The following PRKAR2B variants were observed in gnomAD, a reference collection of about 807,000 sequenced individuals.
The protein encoded by PRKAR2B is protein kinase cAMP-dependent type II regulatory subunit beta, also known as cAMP-dependent protein kinase type II-beta regulatory subunit.
Under a neutral mutation model 49.9 loss-of-function variants are expected in PRKAR2B, and 14 were observed. That is an observed-to-expected ratio of 0.28 (90% CI 0.19 to 0.44). PRKAR2B has a LOEUF of 0.44. Among genes scored for constraint, PRKAR2B ranks in the 20% least tolerant of loss-of-function variants. The pLI is 1.00. For missense variants in PRKAR2B, 393 were observed against 537.9 expected, an observed-to-expected ratio of 0.73 and a Z score of 2.67; for synonymous variants, 196 against 197.7, an observed-to-expected ratio of 0.99 and a Z score of 0.07.
chr7:107,100,029 G>A lies in PRKAR2B; in HGVS notation c.344-21923G>A, dbSNP rs113412859. 1.3e-3 allele frequency among the ~76,000 whole-genome samples: 197 copies of A among 152,106 alleles called. 1 individual carries two copies. Among genetic ancestry groups the A allele is most frequent in the African/African-American group, 4.5e-3 (188 of 41,490 alleles). ...TATATAGTCTAGATATTAATCCCTT[G>A]TCAGATACATGGTTTATAAATATTT... is the stretch of plus-strand genomic sequence containing the variant. On this transcript the variant is annotated intron_variant, in intron 2 of 10. Coordinates refer to ENST00000265717, the MANE Select transcript of PRKAR2B (RefSeq NM_002736.3).
intron 2 of PRKAR2B, among the ~76,000 whole-genome samples, chr7:107,071,440 C>T (rs1347910787): frequency 2.6e-5 from 4 of 152,080 alleles, no homozygotes; most frequent in South Asian, 4.2e-4. Context: ...AATCTCAAGG[C>T]GTGTTTATTT....
At chr7:107,051,011 A>T (rs1348944821) in intron 1 of PRKAR2B, among the ~76,000 whole-genome samples, 1 of 152,214 alleles carries the variant, frequency 6.6e-6, no homozygotes, top group African/African-American at 2.4e-5. Context: ...TTAAGACACC[A>T]TCCTTTTGTC....
chr7:107,077,792 G>C (rs1313570001), intron 2 of PRKAR2B: 9 of 152,290 alleles, frequency 5.9e-5, no homozygotes, highest in Admixed American at 5.9e-4. Flanking sequence ...AAGTGTCTCT[G>C]TGTGTGTGTA....
At chr7:107,139,369 T>G (rs762243951) in intron 4 of PRKAR2B, among the ~76,000 whole-genome samples, 1 of 152,228 alleles carries the variant, frequency 6.6e-6, no homozygotes, top group Non-Finnish European at 1.5e-5. Flanking sequence ...GTATCTGTTC[T>G]AGTTCTAATT....
chr7:107,053,312 AAATTTTG>A (rs1438533582), intron 1 of PRKAR2B, among the ~76,000 whole-genome samples: 2 of 152,210 alleles, frequency 1.3e-5, no homozygotes, highest in Non-Finnish European at 2.9e-5. Context: ...CCTACAATAT[AAATTTTG>A]AAAGGAGAAA....
chr7:107,128,039 G>T (rs1220180320), intron 3 of PRKAR2B, among the ~76,000 whole-genome samples, 173 bp from the exon 4 acceptor site: 2 of 152,202 alleles, frequency 1.3e-5, no homozygotes, highest in East Asian at 3.8e-4. Context: ...TACTTGGTAG[G>T]CTCATAAGTT....
intron 2 of PRKAR2B, among the ~76,000 whole-genome samples, chr7:107,094,684 A>G (rs1794801258): frequency 6.6e-6 from 1 of 152,176 alleles, no homozygotes; most frequent in Admixed American, 6.5e-5. Context: ...TAATTTTTGT[A>G]TAAGGTGTAA....
At chr7:107,053,668 G>A (rs762182670) in intron 1 of PRKAR2B, among the ~76,000 whole-genome samples, 2 of 151,878 alleles carry the variant, frequency 1.3e-5, no homozygotes, top group African/African-American at 2.4e-5. Context: ...GTAAAACTAC[G>A]TTACCTGAAG....
intron 1 of PRKAR2B, among the ~76,000 whole-genome samples, chr7:107,046,409 G>A (rs956735781): frequency 5.3e-5 from 8 of 152,188 alleles, no homozygotes; most frequent in Admixed American, 6.5e-5. Context: ...CTAGGAAGAT[G>A]TTTCTTTTCT....
At chr7:107,147,105 C>T (rs192351724) in intron 6 of PRKAR2B, among the ~76,000 whole-genome samples, 3 of 152,070 alleles carry the variant, frequency 2.0e-5, no homozygotes, top group South Asian at 2.1e-4. Flanking sequence ...TACCTAGCCA[C>T]GAGGTCAGGA....
intron 4 of PRKAR2B, among the ~76,000 whole-genome samples, chr7:107,133,964 A>G (rs751182619): frequency 6.6e-6 from 1 of 152,104 alleles, no homozygotes; most frequent in Non-Finnish European, 1.5e-5. Context: ...CAATGCACAT[A>G]CAAATATATT....
intron 1 of PRKAR2B, among the ~76,000 whole-genome samples, chr7:107,065,648 C>T (rs999234256): frequency 6.6e-6 from 1 of 152,162 alleles, no homozygotes; most frequent in Non-Finnish European, 1.5e-5. Flanking sequence ...GACTCTCTTA[C>T]AATTCCAGTG....
intron 2 of PRKAR2B, among the ~76,000 whole-genome samples, chr7:107,072,819 T>C (rs1794307178): frequency 1.3e-5 from 2 of 152,200 alleles, no homozygotes; most frequent in African/African-American, 2.4e-5. Context: ...CCTTTTCTGA[T>C]TGAGTTTTCA....
chr7:107,086,151 T>A (rs1426075758), intron 2 of PRKAR2B, among the ~76,000 whole-genome samples: 2 of 152,214 alleles, frequency 1.3e-5, no homozygotes, highest in African/African-American at 4.8e-5. Flanking sequence ...GTTGACCGTT[T>A]ATATTTTCTT....
rs1454520927 is a variant in PRKAR2B, at chr7:107,161,690, A to T, written c.*2108A>T. On this transcript the variant is annotated 3_prime_UTR_variant, in exon 11 of 11. Coordinates refer to ENST00000265717, the MANE Select transcript of PRKAR2B (RefSeq NM_002736.3). ...TTTTTAAAATTATTAGCTATTCATC[A>T]TGTGTGGGAGAAATAATTGTGGTGT... 2 of 152,228 alleles carry T rather than the reference A, an allele frequency of 1.3e-5. No homozygotes were observed. Among genetic ancestry groups the T allele is most frequent in the African/African-American group, 4.8e-5 (2 of 41,430 alleles). The allele number at this position is 152,228 out of a possible 1,614,324, so 9.4% of individuals were successfully genotyped here. A position where few individuals can be genotyped will look rare whatever the true frequency, so the allele number is the denominator to read the frequency against.
chr7:107,108,673 G>A (rs1425378490), intron 2 of PRKAR2B, among the ~76,000 whole-genome samples: 4 of 152,228 alleles, frequency 2.6e-5, no homozygotes, highest in African/African-American at 9.6e-5. Flanking sequence ...CAGGAATGAT[G>A]ATTGGCTCTA....
rs933483528 is a variant in PRKAR2B at position 107,086,374 on chromosome 7, G to C, written c.343+16058G>C. 2.0e-5 allele frequency among the ~76,000 whole-genome samples: 3 copies of C among 152,224 alleles called. No homozygotes were observed. In the South Asian group the frequency reaches 6.2e-4, roughly 32 times the overall value. Reference sequence around the variant, plus strand: ...TGGTTAATTAATGAGATAATGAATAGAAAATACTTAACCGATTTCTTAAAG... The same window carrying C: ...TGGTTAATTAATGAGATAATGAATACAAAATACTTAACCGATTTCTTAAAG... On this transcript the variant is annotated intron_variant, in intron 2 of 10. Transcript: ENST00000265717.
intron 2 of PRKAR2B, among the ~76,000 whole-genome samples, chr7:107,082,252 CTTCTGAA>C (rs1794527791): frequency 6.6e-6 from 1 of 152,118 alleles, no homozygotes; most frequent in Non-Finnish European, 1.5e-5. Context: ...TTACAATTTA[CTTCTGAA>C]TTCTGTACCA....
chr7:107,053,521 AAAGAGTGT>A (rs1034354824), intron 1 of PRKAR2B, among the ~76,000 whole-genome samples: 4 of 131,880 alleles, frequency 3.0e-5, no homozygotes, highest in African/African-American at 1.2e-4. Context: ...TCTAGATTAT[AAAGAGTGT>A]GTGTGTGTGT....
Sources: allele counts gnomAD v4.1 joint callset (sites outside exome capture counted in the v4.1 genomes callset), GRCh38; gene constraint gnomAD v4.1.1; transcripts MANE v1.5; gene names NCBI Gene and HGNC (gene_info 2026-07-23, HGNC 2026-07-21).